Variants in CPNE4 observed in about 807,000 individuals in gnomAD.
CPNE4 encodes copine 4.
CPNE4 carries 25 observed loss-of-function variants against 67.9 expected under a neutral mutation model. That is an observed-to-expected ratio of 0.37 (90% CI 0.27 to 0.51). The LOEUF (loss-of-function observed/expected upper bound fraction) is 0.51. CPNE4 is among the 20% of genes least tolerant of loss of function. CPNE4 has a pLI of 0.93. For missense variants in CPNE4, 464 were observed against 690.8 expected (o/e 0.67, Z 3.68); for synonymous variants, 242 against 244.9 (o/e 0.99, Z 0.11).
At position 131,545,389 on chromosome 3, in the gene CPNE4, C is replaced by T. The variant is rs187004344; in HGVS notation, c.1303-2596G>A. Among the ~76,000 whole-genome samples, 568 of 152,260 alleles carry T rather than the reference C, an allele frequency of 3.7e-3. 4 individuals carry two copies. The highest frequency in any genetic ancestry group is 0.013 in the African/African-American group (544 of 41,548). Reference sequence around the variant, plus strand: ...CCATGGACTACTGCAAGATTTAAGGCAGTCTGTAAACTTGGGGTAAATTAC... The same window carrying T: ...CCATGGACTACTGCAAGATTTAAGGTAGTCTGTAAACTTGGGGTAAATTAC... On this transcript the variant is annotated intron_variant, in intron 14 of 15. Transcript: ENST00000429747.
At chr3:132,026,432 A>T (rs1022030601) in intron 1 of CPNE4, among the ~76,000 whole-genome samples, 4 of 152,224 alleles carry the variant, frequency 2.6e-5, no homozygotes, top group African/African-American at 4.8e-5. Flanking sequence ...AACTTGGAGA[A>T]TCCAAGCCCA....
At chr3:131,827,842 C>A (rs2085223922) in intron 2 of CPNE4, among the ~76,000 whole-genome samples, 1 of 151,950 alleles carries the variant, frequency 6.6e-6, no homozygotes, top group Non-Finnish European at 1.5e-5. Context: ...AGTTTCAAAG[C>A]AAACCTTGCA....
At chr3:131,613,805 G>T (rs1397507203) in intron 7 of CPNE4, among the ~76,000 whole-genome samples, 1 of 152,054 alleles carries the variant, frequency 6.6e-6, no homozygotes, top group Non-Finnish European at 1.5e-5. Context: ...TCATTTATTT[G>T]GCAGGTTCTG....
intron 2 of CPNE4, among the ~76,000 whole-genome samples, chr3:131,765,481 C>T (rs190871475): frequency 6.6e-6 from 1 of 152,178 alleles, no homozygotes; most frequent in Admixed American, 6.6e-5. Flanking sequence ...ATCATAAATT[C>T]TTCCCAGTCC....
intron 2 of CPNE4, among the ~76,000 whole-genome samples, chr3:131,805,582 G>A (rs2084278376): frequency 6.6e-6 from 1 of 152,132 alleles, no homozygotes; most frequent in African/African-American, 2.4e-5. Flanking sequence ...ACATTAACAG[G>A]GACTGGAGTC....
intron 2 of CPNE4, among the ~76,000 whole-genome samples, chr3:131,803,450 A>G (rs927982564): frequency 6.6e-6 from 1 of 152,244 alleles, no homozygotes; most frequent in African/African-American, 2.4e-5. Flanking sequence ...AAGTTTTTCT[A>G]CATTGAAGAC....
intron 3 of CPNE4, among the ~76,000 whole-genome samples, chr3:131,708,190 T>C (rs1451838939): frequency 3.3e-5 from 5 of 151,872 alleles, no homozygotes; most frequent in South Asian, 2.1e-4. Flanking sequence ...GGCTGTGGGA[T>C]AGAGAGTGAA....
intron 2 of CPNE4, among the ~76,000 whole-genome samples, chr3:131,810,815 A>T (rs1328012337): frequency 6.6e-6 from 1 of 152,156 alleles, no homozygotes; most frequent in East Asian, 1.9e-4. Context: ...TGGATAAAGA[A>T]AATGTGGTGT....
At chr3:131,862,348 T>C (rs2086725588) in intron 2 of CPNE4, among the ~76,000 whole-genome samples, 1 of 152,178 alleles carries the variant, frequency 6.6e-6, no homozygotes. Flanking sequence ...GATTTGATAA[T>C]TCTCCCATAA....
At chr3:131,702,856 A>T (rs2081334918) in intron 3 of CPNE4, among the ~76,000 whole-genome samples, 1 of 152,230 alleles carries the variant, frequency 6.6e-6, no homozygotes, top group African/African-American at 2.4e-5. Flanking sequence ...CCTTTTGCAA[A>T]TGCTAGGAAG....
chr3:131,551,672 A>G (rs1936181319), intron 13 of CPNE4, among the ~76,000 whole-genome samples: 1 of 152,192 alleles, frequency 6.6e-6, no homozygotes, highest in African/African-American at 2.4e-5. Context: ...TACACACTCT[A>G]CTGGATCTGA....
At chr3:131,564,087 A>T (rs1318908080) in intron 11 of CPNE4, 129 bp downstream of exon 11, 54 of 1,074,322 alleles carry the variant, frequency 5.0e-5, no homozygotes, top group Admixed American at 1.8e-5. Flanking sequence ...TACAGAGGGA[A>T]TGAAACTTTT....
intron 3 of CPNE4, among the ~76,000 whole-genome samples, chr3:131,717,850 C>CT (rs2081740865): frequency 4.4e-5 from 1 of 22,584 alleles, no homozygotes; most frequent in Non-Finnish European, 1.1e-4. Context: ...TCCTTCCTTC[C>CT]TCGCTCCCTC....
chr3:131,585,846 A>G (rs1938145161), intron 8 of CPNE4, among the ~76,000 whole-genome samples: 1 of 151,952 alleles, frequency 6.6e-6, no homozygotes, highest in South Asian at 2.1e-4. Flanking sequence ...TGGCTCTGAA[A>G]CTCTGCATCC....
At chr3:131,731,496 C>T (rs1478447119) in intron 2 of CPNE4, among the ~76,000 whole-genome samples, 1 of 151,928 alleles carries the variant, frequency 6.6e-6, no homozygotes, top group Non-Finnish European at 1.5e-5. Flanking sequence ...ATCTCAGCTA[C>T]ATCTTCCAGT....
chr3:131,989,508 T>C (rs6439326), intron 1 of CPNE4, among the ~76,000 whole-genome samples: 131,668 of 133,698 alleles, frequency 0.98, 65,037 homozygotes, highest in East Asian at 1. Context: ...TTTGGGAACC[T>C]GTAAACCAAG....
intron 7 of CPNE4, among the ~76,000 whole-genome samples, chr3:131,657,073 A>G (rs888823592): frequency 6.6e-6 from 1 of 152,120 alleles, no homozygotes; most frequent in Non-Finnish European, 1.5e-5. Context: ...TCCAAGGATG[A>G]TATATTTTCC....
upstream of CPNE4, among the ~76,000 whole-genome samples, chr3:132,037,086 C>G (rs1457412807): frequency 6.6e-6 from 1 of 152,152 alleles, no homozygotes; most frequent in African/African-American, 2.4e-5. Flanking sequence ...AATAAGTGAA[C>G]ACATGGACCA....
chr3:131,857,920 C>T (rs78778770), intron 2 of CPNE4, among the ~76,000 whole-genome samples: 2,116 of 152,106 alleles, frequency 0.014, 47 homozygotes, highest in African/African-American at 0.047. Context: ...AAACTTCACA[C>T]CAGATGTAGC....
Sources: gnomAD v4.1 joint callset for allele counts (sites outside exome capture counted in the v4.1 genomes callset) on GRCh38, gnomAD v4.1.1 for gene constraint, MANE v1.5 for transcripts, NCBI Gene and HGNC (gene_info 2026-07-23, HGNC 2026-07-21) for gene names.